The following ADCY2 variants were observed in gnomAD, a reference collection of about 807,000 sequenced individuals.
ADCY2 encodes the protein adenylate cyclase 2.
ADCY2 carries 31 observed loss-of-function variants against 125.2 expected under a neutral mutation model. The ratio of observed to expected loss-of-function variants is 0.25; its 90% CI spans 0.19 to 0.33. The LOEUF (loss-of-function observed/expected upper bound fraction) is 0.33, where lower values mean the gene tolerates loss of function less well. ADCY2 is among the 10% of genes least tolerant of loss of function. The probability of loss-of-function intolerance (pLI) is 1.00; values close to 1 mark genes in which losing one functional copy is unlikely to be tolerated. For missense variants in ADCY2, 904 were observed against 1,418.2 expected (o/e 0.64, Z 5.82); for synonymous variants, 512 against 548.4 (o/e 0.93, Z 0.93).
At chr5:7,591,977 A>G (rs1736861672) in intron 3 of ADCY2, among the ~76,000 whole-genome samples, 1 of 152,236 alleles carries the variant, frequency 6.6e-6, no homozygotes, top group African/African-American at 2.4e-5. Flanking sequence ...TGTAGAAGTT[A>G]CATATTTAAT....
At chr5:7,687,325 T>A (rs2126720558) in intron 4 of ADCY2, among the ~76,000 whole-genome samples, 1 of 152,334 alleles carries the variant, frequency 6.6e-6, no homozygotes, top group African/African-American at 2.4e-5. Flanking sequence ...TCTGTATCTT[T>A]CAGGAAGGAC....
At chr5:7,694,582 G>A (rs537993852) in intron 5 of ADCY2, among the ~76,000 whole-genome samples, 26 of 152,222 alleles carry the variant, frequency 1.7e-4, no homozygotes, top group East Asian at 9.6e-4. Context: ...TAAGGTTTTC[G>A]GGAGTTTCAG....
At chr5:7,499,343 G>A (rs750366542) in intron 2 of ADCY2, among the ~76,000 whole-genome samples, 6 of 151,922 alleles carry the variant, frequency 3.9e-5, no homozygotes, top group Admixed American at 6.6e-5. Context: ...GGAGGGAGAG[G>A]GGCACAAAGA....
At chr5:7,817,171 C>T (rs149520779) in intron 23 of ADCY2, among the ~76,000 whole-genome samples, 191 bp downstream of exon 23, 2 of 152,000 alleles carry the variant, frequency 1.3e-5, no homozygotes, top group African/African-American at 2.4e-5. Context: ...TTGATTGGAC[C>T]TAGGCTACCT....
intron 3 of ADCY2, among the ~76,000 whole-genome samples, chr5:7,585,302 T>C (rs1436492439): frequency 6.6e-6 from 1 of 152,194 alleles, no homozygotes; most frequent in Non-Finnish European, 1.5e-5. Flanking sequence ...TGCCTCTATG[T>C]TGTTTTGTGT....
chr5:7,533,697 C>A (rs1734724327), intron 3 of ADCY2, among the ~76,000 whole-genome samples: 1 of 152,138 alleles, frequency 6.6e-6, no homozygotes, highest in Admixed American at 6.5e-5. Context: ...TTACTTTTGA[C>A]ATAAAGAAAC....
intron 16 of ADCY2, among the ~76,000 whole-genome samples, chr5:7,765,375 C>T (rs1332978469): frequency 1.3e-5 from 2 of 152,106 alleles, no homozygotes; most frequent in East Asian, 1.9e-4. Flanking sequence ...TTATTCCATT[C>T]GTATAAGTTT....
intron 22 of ADCY2, among the ~76,000 whole-genome samples, chr5:7,806,808 G>A (rs544449463): frequency 1.3e-5 from 2 of 152,278 alleles, no homozygotes; most frequent in South Asian, 4.1e-4. Flanking sequence ...CCTGTCCACA[G>A]CAGTATCTTT....
At chr5:7,674,388 G>C (rs1343918474) in intron 4 of ADCY2, among the ~76,000 whole-genome samples, 1 of 152,120 alleles carries the variant, frequency 6.6e-6, no homozygotes, top group African/African-American at 2.4e-5. Flanking sequence ...GCGCCCACAG[G>C]ACAGCAGGGC....
chr5:7,495,482 A>G (rs938644589), intron 2 of ADCY2, among the ~76,000 whole-genome samples: 1 of 152,252 alleles, frequency 6.6e-6, no homozygotes, highest in Non-Finnish European at 1.5e-5. Flanking sequence ...CCTTAATATC[A>G]GAAATTTTGT....
At chr5:7,686,920 C>G (rs1740537829) in intron 4 of ADCY2, among the ~76,000 whole-genome samples, 1 of 152,080 alleles carries the variant, frequency 6.6e-6, no homozygotes, top group African/African-American at 2.4e-5. Context: ...TTCAATTGCC[C>G]AGCACTGTGA....
intron 2 of ADCY2, among the ~76,000 whole-genome samples, chr5:7,457,661 A>T (rs1216412094): frequency 6.6e-6 from 1 of 152,168 alleles, no homozygotes; most frequent in African/African-American, 2.4e-5. Context: ...TTTTGCACAC[A>T]GTTGCCCACA....
intron 2 of ADCY2, among the ~76,000 whole-genome samples, chr5:7,470,634 A>ATGTGTG (rs35202661): frequency 1.4e-5 from 2 of 147,656 alleles, no homozygotes; most frequent in South Asian, 4.3e-4. Flanking sequence ...TACTGTATAT[A>ATGTGTG]TGTGTGTGTG....
chr5:7,654,340 A>C, intron 4 of ADCY2: 1 of 353,526 alleles, frequency 2.8e-6, no homozygotes, highest in South Asian at 2.1e-5. Context: ...AAGAGGGAAA[A>C]CGGGATCGAG....
chr5:7,758,459 T>C (rs1258100254), intron 16 of ADCY2, among the ~76,000 whole-genome samples: 1 of 152,242 alleles, frequency 6.6e-6, no homozygotes, highest in African/African-American at 2.4e-5. Flanking sequence ...AGTCCTTGCC[T>C]TCCAGGGACC....
intron 4 of ADCY2, among the ~76,000 whole-genome samples, chr5:7,636,731 T>C (rs567740219): frequency 6.6e-6 from 1 of 152,310 alleles, no homozygotes; most frequent in South Asian, 2.1e-4. Context: ...ATAAGTGGGA[T>C]AGTGGCCAAC....
chr5:7,603,307 T>A (rs1737276789), intron 3 of ADCY2, among the ~76,000 whole-genome samples: 1 of 152,114 alleles, frequency 6.6e-6, no homozygotes, highest in South Asian at 2.1e-4. Context: ...GAAGAGCTGA[T>A]CAGCAGTGTT....
intron 3 of ADCY2, among the ~76,000 whole-genome samples, chr5:7,565,648 A>C (rs1007718554): frequency 2.0e-5 from 3 of 152,214 alleles, no homozygotes; most frequent in Non-Finnish European, 4.4e-5. Context: ...CTTAGCACAG[A>C]GTCCAGGGGG....
At chr5:7,422,933 T>A (rs1043988840) in intron 2 of ADCY2, among the ~76,000 whole-genome samples, 2 of 152,184 alleles carry the variant, frequency 1.3e-5, no homozygotes, top group African/African-American at 4.8e-5. Flanking sequence ...TATTTACCAC[T>A]GGAAGAACCG....
Sources: allele counts gnomAD v4.1 joint callset (sites outside exome capture counted in the v4.1 genomes callset), GRCh38; gene constraint gnomAD v4.1.1; transcripts MANE v1.5; gene names NCBI Gene and HGNC (gene_info 2026-07-23, HGNC 2026-07-21).